Variants in DENND2A observed in about 807,000 individuals in gnomAD.
The protein encoded by DENND2A is DENN domain-containing protein 2A.
Under a neutral mutation model 105.3 loss-of-function variants are expected in DENND2A, and 53 were observed. The observed-to-expected ratio is 0.50, with a 90% CI of 0.40 to 0.63. The LOEUF (loss-of-function observed/expected upper bound fraction) is 0.63. DENND2A is among the 30% of genes least tolerant of loss of function. DENND2A has a pLI of 0.00. For missense variants in DENND2A, 1,138 were observed against 1,279.6 expected (o/e 0.89, Z 1.69); for synonymous variants, 522 against 508.4 (o/e 1.03, Z -0.36).
chr7:140,519,935 C>T (rs1479972034), intron 18 of DENND2A, among the ~76,000 whole-genome samples: 2 of 152,164 alleles, frequency 1.3e-5, no homozygotes, highest in Non-Finnish European at 1.5e-5. Context: ...AAAGCCACCT[C>T]ATAGATGAAA....
In DENND2A at chr7:140,559,570, C is replaced by T; in HGVS notation, c.1889+138G>A. 1 of 637,570 alleles carries T rather than the reference C, an allele frequency of 1.6e-6. No homozygotes were observed. Among genetic ancestry groups the T allele is most frequent in the African/African-American group, 1.9e-5 (1 of 53,738 alleles). 39.5% of individuals were successfully genotyped at this position (637,570 alleles called of 1,614,324 possible). On this transcript the variant is annotated intron_variant, in intron 10 of 19. Coordinates refer to ENST00000496613, the MANE Select transcript of DENND2A (RefSeq NM_015689.5). The surrounding 1 kb of genome is among the most constrained non-coding windows in gnomAD (Gnocchi z 4.1). ...ACCTTCAGGGAAGCTTTAAAAACAC[C>T]CCTTGGGGAAAGCTCTAGGCCAGGC... is the stretch of plus-strand genomic sequence containing the variant.
At chr7:140,529,388 G>A (rs1002835985) in intron 14 of DENND2A, among the ~76,000 whole-genome samples, 2 of 152,272 alleles carry the variant, frequency 1.3e-5, no homozygotes, top group Admixed American at 6.5e-5. Context: ...ACAGTGTGGC[G>A]ATTCCTCAAG....
At chr7:140,595,237 C>A (rs1231191302) in intron 3 of DENND2A, among the ~76,000 whole-genome samples, 1 of 151,198 alleles carries the variant, frequency 6.6e-6, no homozygotes, top group East Asian at 2.0e-4. Flanking sequence ...AAACTCCTGA[C>A]CTCAAGTGAT....
chr7:140,592,122 CT>C (rs111311340), intron 3 of DENND2A, among the ~76,000 whole-genome samples: 2,577 of 149,116 alleles, frequency 0.017, 74 homozygotes, highest in African/African-American at 0.06. Context: ...TCGCTGCAGC[CT>C]CTGCCCTCTG....
intron 14 of DENND2A, among the ~76,000 whole-genome samples, chr7:140,537,361 C>A (rs1042010331): frequency 2.0e-5 from 3 of 152,226 alleles, no homozygotes; most frequent in African/African-American, 4.8e-5. Context: ...GATTTGCCCA[C>A]CTAATCCTAC....
chr7:140,558,658 T>C (rs1343387200), intron 10 of DENND2A, among the ~76,000 whole-genome samples: 2 of 142,870 alleles, frequency 1.4e-5, no homozygotes, highest in Non-Finnish European at 3.0e-5. Context: ...ATCATGCCAT[T>C]ACACTCCAGC....
At chr7:140,580,890 G>A (rs1288970551) in intron 5 of DENND2A, among the ~76,000 whole-genome samples, 1 of 151,844 alleles carries the variant, frequency 6.6e-6, no homozygotes, top group South Asian at 2.1e-4. Context: ...GCCCACCTTG[G>A]CCTCCCAAAG....
intron 4 of DENND2A, among the ~76,000 whole-genome samples, chr7:140,587,260 C>G (rs1462838840): frequency 6.6e-6 from 1 of 152,158 alleles, no homozygotes; most frequent in Non-Finnish European, 1.5e-5. Context: ...AGGGAGCTAG[C>G]TTCATCCTCA....
At chr7:140,619,005 G>A (rs1432796146) in intron 1 of DENND2A, among the ~76,000 whole-genome samples, 1 of 151,990 alleles carries the variant, frequency 6.6e-6, no homozygotes, top group Non-Finnish European at 1.5e-5. Context: ...TCACTGTGTT[G>A]GCCAGGATGG....
At chr7:140,622,149 G>C (rs1469895840) in intron 1 of DENND2A, among the ~76,000 whole-genome samples, 1 of 152,128 alleles carries the variant, frequency 6.6e-6, no homozygotes, top group African/African-American at 2.4e-5. Flanking sequence ...TGTGATCCCA[G>C]GTCTTTGGGA....
intron 14 of DENND2A, among the ~76,000 whole-genome samples, chr7:140,540,172 C>T (rs12670146): frequency 0.43 from 65,892 of 152,138 alleles, 14,562 homozygotes; most frequent in African/African-American, 0.46. Flanking sequence ...TGTACCATGG[C>T]CTGGCTCTCG....
chr7:140,558,532 C>T (rs1483849857), intron 10 of DENND2A, among the ~76,000 whole-genome samples: 1 of 151,964 alleles, frequency 6.6e-6, no homozygotes, highest in Non-Finnish European at 1.5e-5. Context: ...CCTGTCTCTA[C>T]TAAAAATACA....
chr7:140,601,340 A>G lies in DENND2A; in HGVS notation c.995+63T>C, dbSNP rs202205219. The G allele has an allele frequency of 2.8e-4, 424 of 1,517,388 alleles. 1 individual carries two copies. The highest frequency in any genetic ancestry group is 3.3e-4 in the Non-Finnish European group (376 of 1,133,078). The allele number at this position is 1,517,388 out of a possible 1,614,324, so 94.0% of individuals were successfully genotyped here. A position where few individuals can be genotyped will look rare whatever the true frequency, so the allele number is the denominator to read the frequency against. ...ATTCAGCTGAGAACAGACGGTTATG[A>G]TGGGACACAAACCACTGAGAGAGTC... On this transcript the variant is annotated intron_variant, in intron 3 of 19. Transcript: ENST00000496613.
At chr7:140,615,020 C>T (rs1800031957) in intron 1 of DENND2A, among the ~76,000 whole-genome samples, 1 of 152,132 alleles carries the variant, frequency 6.6e-6, no homozygotes, top group Admixed American at 6.6e-5. Flanking sequence ...GTGTGCACCA[C>T]CACGCCTGGC....
chr7:140,565,431 C>T (rs1205766409), intron 9 of DENND2A, among the ~76,000 whole-genome samples: 1 of 151,988 alleles, frequency 6.6e-6, no homozygotes, highest in Non-Finnish European at 1.5e-5. Flanking sequence ...TCCCCTAGGG[C>T]CAAGCAGAAA....
At chr7:140,635,725 G>A (rs1021773608) in intron 1 of DENND2A, among the ~76,000 whole-genome samples, 1 of 152,158 alleles carries the variant, frequency 6.6e-6, no homozygotes, top group East Asian at 1.9e-4. Context: ...TGGGTCTCAG[G>A]CTTATCTGTT....
Position 140,601,884 on chromosome 7 carries a change from C to G in DENND2A, c.514G>C (p.Asp172His). Residue 172 changes from aspartate (D) to histidine (H), a missense_variant, in exon 3 of 20, where the codon GAT (aspartate) becomes CAT (histidine). Asp to His is a moderately conservative substitution (Grantham distance 81). This residue lies in a region of DENND2A where 511 missense variants were observed against 499.9 expected (regional missense o/e 1.02). Transcript: ENST00000496613. ...TGGGGATCCAGCCCTGCCGACCCAT[C>G]CTTCAAAGCCTGCTCGAGTTTCTTG... is the stretch of plus-strand genomic sequence containing the variant. ...QVKKLEQALK[D>H]GSAGLDPQLP... 6.2e-7 allele frequency: 1 copy of G among 1,614,164 alleles called. No homozygotes were observed. Among genetic ancestry groups the G allele is most frequent in the Non-Finnish European group, 8.5e-7 (1 of 1,180,030 alleles).
intron 5 of DENND2A, among the ~76,000 whole-genome samples, chr7:140,576,364 C>T (rs1798300747): frequency 6.6e-6 from 1 of 152,054 alleles, no homozygotes; most frequent in Admixed American, 6.6e-5. Context: ...AATAAATATT[C>T]AATTCCATTT....
At chr7:140,637,262 ATGT>A (rs1800979713) in intron 1 of DENND2A, among the ~76,000 whole-genome samples, 1 of 152,230 alleles carries the variant, frequency 6.6e-6, no homozygotes, top group Non-Finnish European at 1.5e-5. Context: ...AAGATTAAAA[ATGT>A]TAAGAAATCT....
Sources: allele counts gnomAD v4.1 joint callset (sites outside exome capture counted in the v4.1 genomes callset), GRCh38; gene constraint gnomAD v4.1.1; regional missense constraint gnomAD v4.1.1; non-coding constraint Gnocchi (gnomAD v3.1); transcripts MANE v1.5; gene names NCBI Gene and HGNC (gene_info 2026-07-23, HGNC 2026-07-21).